The following CHL1 variants were observed in gnomAD, a reference collection of about 807,000 sequenced individuals.
CHL1 encodes cell adhesion molecule L1 like, also known as neural cell adhesion molecule L1-like protein.
A neutral mutation model predicts 141.9 loss-of-function variants in CHL1; 96 were observed. The ratio of observed to expected loss-of-function variants is 0.68; its 90% CI spans 0.57 to 0.80. The LOEUF (loss-of-function observed/expected upper bound fraction) is 0.80. Among genes scored for constraint, CHL1 ranks in the 30% least tolerant of loss-of-function variants. The pLI is 0.00. For missense variants in CHL1, 1,820 were observed against 1,457.2 expected, an observed-to-expected ratio of 1.25 and a Z score of -4.05; for synonymous variants, 613 against 502.2, an observed-to-expected ratio of 1.22 and a Z score of -2.95.
At chr3:401,724 TA>T in intron 27 of CHL1, 26 bp downstream of exon 27, 1 of 1,293,894 alleles carries the variant, frequency 7.7e-7, no homozygotes, top group East Asian at 2.4e-5. Context: ...TGTTGTAAAA[TA>T]AAACACATAT....
Position 233,733 on chromosome 3 carries a change from A to G in CHL1, c.-174-10880A>G, listed in dbSNP as rs193021619. On this transcript the variant is annotated intron_variant, in intron 1 of 27. Coordinates refer to ENST00000256509, the MANE Select transcript of CHL1 (RefSeq NM_006614.4). ...AATATTATACAAAGTCTCAGCATTC[A>G]ATATTCTTTAAAAACACAACTTTTT... Among the ~76,000 whole-genome samples the G allele has an allele frequency of 1.8e-3, 275 of 152,248 alleles. 3 individuals carry two copies. The highest frequency in any genetic ancestry group is 0.017 in the South Asian group (84 of 4,828).
chr3:327,595 C>T (rs933582769), intron 4 of CHL1, among the ~76,000 whole-genome samples: 2 of 151,760 alleles, frequency 1.3e-5, no homozygotes, highest in African/African-American at 2.4e-5. Context: ...AAAGGAAAAA[C>T]ATTGAAATGG....
intron 2 of CHL1, among the ~76,000 whole-genome samples, chr3:257,002 C>G (rs2125169536): frequency 6.6e-6 from 1 of 152,284 alleles, no homozygotes; most frequent in South Asian, 2.1e-4. Context: ...GATGCCTCCT[C>G]CATGGATTTT....
At chr3:360,184 G>T in intron 11 of CHL1, 100 bp from the exon 12 acceptor site, 1 of 1,365,950 alleles carries the variant, frequency 7.3e-7, no homozygotes, top group Non-Finnish European at 1.0e-6. Flanking sequence ...ACCCTAAACT[G>T]GTTTGAAAAT....
chr3:320,186 A>G (rs772365993), intron 3 of CHL1, among the ~76,000 whole-genome samples: 13 of 152,070 alleles, frequency 8.5e-5, no homozygotes, highest in Non-Finnish European at 1.5e-4. Flanking sequence ...TCACTTTTGT[A>G]TACTTAGGTT....
intron 15 of CHL1, among the ~76,000 whole-genome samples, chr3:366,772 T>C (rs1237033045): frequency 6.6e-6 from 1 of 151,876 alleles, no homozygotes; most frequent in Non-Finnish European, 1.5e-5. Context: ...GCACTGCAGC[T>C]GCAATCCAGG....
chr3:327,563 G>T (rs1701112443), intron 4 of CHL1, among the ~76,000 whole-genome samples: 1 of 151,922 alleles, frequency 6.6e-6, no homozygotes, highest in Non-Finnish European at 1.5e-5. Flanking sequence ...ATATAGGGTT[G>T]TTTCTCACAA....
intron 11 of CHL1, among the ~76,000 whole-genome samples, chr3:357,101 G>T (rs1264216246): frequency 6.6e-6 from 1 of 152,178 alleles, no homozygotes; most frequent in Non-Finnish European, 1.5e-5. Context: ...GGTCAAGGCT[G>T]AAAATAAACT....
At chr3:301,257 G>A (rs1348502215) in intron 2 of CHL1, among the ~76,000 whole-genome samples, 1 of 152,132 alleles carries the variant, frequency 6.6e-6, no homozygotes, top group East Asian at 1.9e-4. Flanking sequence ...AAATATGCAT[G>A]GCTGGCTTAG....
intron 1 of CHL1, among the ~76,000 whole-genome samples, chr3:210,266 C>T (rs1699797460): frequency 6.6e-6 from 1 of 152,202 alleles, no homozygotes; most frequent in African/African-American, 2.4e-5. Flanking sequence ...CTAACTCATA[C>T]CTTTAAACAG....
At chr3:297,667 G>T (rs1416023081) in intron 2 of CHL1, among the ~76,000 whole-genome samples, 1 of 152,186 alleles carries the variant, frequency 6.6e-6, no homozygotes, top group Non-Finnish European at 1.5e-5. Context: ...TACTTGTCCT[G>T]ATAGAACACT....
rs116076153 is a variant in CHL1, at chr3:293,127, T to C, written c.-94-26556T>C. On this transcript the variant is annotated intron_variant, in intron 2 of 27. Transcript: ENST00000256509. ...ATATAGCACAGTGCTTCAGGTTAGT[T>C]TATAAAAATCAAGTCTTTCCTTTAA... Among the ~76,000 whole-genome samples the C allele has an allele frequency of 3.0e-3, 457 of 152,292 alleles. 2 individuals are homozygous for C. Among genetic ancestry groups the C allele is most frequent in the African/African-American group, 0.01 (433 of 41,552 alleles).
chr3:238,104 A>T (rs1692173759), intron 1 of CHL1, among the ~76,000 whole-genome samples: 1 of 152,192 alleles, frequency 6.6e-6, no homozygotes, highest in Admixed American at 6.6e-5. Flanking sequence ...AGTAGCTTAT[A>T]ACCTAGGGAA....
intron 3 of CHL1, among the ~76,000 whole-genome samples, chr3:321,469 T>C (rs1365848166): frequency 6.6e-6 from 1 of 152,104 alleles, no homozygotes; most frequent in Non-Finnish European, 1.5e-5. Flanking sequence ...CAGTAGCAAG[T>C]TAAGAGCAAG....
At chr3:387,157 C>G (rs1196139200) in intron 19 of CHL1, among the ~76,000 whole-genome samples, 4 of 152,166 alleles carry the variant, frequency 2.6e-5, no homozygotes, top group African/African-American at 4.8e-5. Flanking sequence ...GTTGGACGTG[C>G]AAGCTCTTTT....
At chr3:365,862 G>A in intron 14 of CHL1, 88 bp from the exon 15 acceptor site, 2 of 961,634 alleles carry the variant, frequency 2.1e-6, no homozygotes, top group Non-Finnish European at 1.6e-6. Flanking sequence ...CAGTTATGGT[G>A]ACAATTTGGG....
intron 2 of CHL1, among the ~76,000 whole-genome samples, chr3:267,331 C>T: frequency 6.6e-6 from 1 of 152,144 alleles, no homozygotes; most frequent in East Asian, 1.9e-4. Context: ...TTTCCTTGCC[C>T]TCATAGCAAC....
intron 12 of CHL1, 128 bp from the exon 13 acceptor site, chr3:361,571 T>G (rs1704255574): frequency 8.0e-6 from 5 of 626,580 alleles, no homozygotes; most frequent in Non-Finnish European, 1.4e-5. Flanking sequence ...CTTCTATAAT[T>G]CAAAACAGAC....
At chr3:380,679 C>T (rs932205533) in intron 16 of CHL1, among the ~76,000 whole-genome samples, 20 of 152,102 alleles carry the variant, frequency 1.3e-4, no homozygotes, top group Admixed American at 3.3e-4. Context: ...CAGGTTAAGA[C>T]GGTATCAAAG....
Sources: gnomAD v4.1 joint callset for allele counts (sites outside exome capture counted in the v4.1 genomes callset) on GRCh38, gnomAD v4.1.1 for gene constraint, MANE v1.5 for transcripts, NCBI Gene and HGNC (gene_info 2026-07-23, HGNC 2026-07-21) for gene names.